Variants in SIPA1L1 observed in about 807,000 individuals in gnomAD.
The protein encoded by SIPA1L1 is signal induced proliferation associated 1 like 1, also known as signal-induced proliferation-associated 1-like protein 1.
SIPA1L1 carries 26 observed loss-of-function variants against 162.7 expected under a neutral mutation model. The ratio of observed to expected loss-of-function variants is 0.16; its 90% CI spans 0.12 to 0.22. SIPA1L1 has a LOEUF of 0.22. Among genes scored for constraint, SIPA1L1 ranks in the 10% least tolerant of loss-of-function variants. SIPA1L1 has a pLI of 1.00. For synonymous variants in SIPA1L1, 829 were observed against 837.4 expected (o/e 0.99, Z 0.17); for missense variants, 1,874 against 2,241.0 (o/e 0.84, Z 3.31).
chr14:71,503,255 A>G (rs1165929295), intron 2 of SIPA1L1, among the ~76,000 whole-genome samples: 1 of 152,204 alleles, frequency 6.6e-6, no homozygotes, highest in Non-Finnish European at 1.5e-5. Context: ...ATACAACTAG[A>G]AGGTCATGAT....
At chr14:71,610,004 C>T (rs1166329173) in intron 5 of SIPA1L1, among the ~76,000 whole-genome samples, 2 of 151,978 alleles carry the variant, frequency 1.3e-5, no homozygotes, top group Non-Finnish European at 2.9e-5. Flanking sequence ...AATGGACGTG[C>T]TTCTTTCTTA....
intron 2 of SIPA1L1, among the ~76,000 whole-genome samples, chr14:71,489,454 T>G (rs1175254237): frequency 1.3e-5 from 2 of 152,196 alleles, no homozygotes; most frequent in African/African-American, 4.8e-5. Flanking sequence ...TTATTGGATA[T>G]TTTCCAGTTT....
intron 4 of SIPA1L1, among the ~76,000 whole-genome samples, chr14:71,551,464 C>T (rs1488075207): frequency 1.3e-5 from 2 of 152,230 alleles, no homozygotes; most frequent in African/African-American, 2.4e-5. Flanking sequence ...ATCCCTGATT[C>T]ATCTCTTTCT....
At chr14:71,367,346 T>TC (rs1169095980) in intron 2 of SIPA1L1, among the ~76,000 whole-genome samples, 2 of 148,732 alleles carry the variant, frequency 1.3e-5, no homozygotes, top group Non-Finnish European at 3.0e-5. Flanking sequence ...TCGCTGTGTC[T>TC]CCCAGGCTGG....
At chr14:71,423,313 A>G (rs900388655) in intron 2 of SIPA1L1, among the ~76,000 whole-genome samples, 1 of 152,080 alleles carries the variant, frequency 6.6e-6, no homozygotes, top group African/African-American at 2.4e-5. Context: ...TGATGCACAA[A>G]ATTTTAAAAT....
At chr14:71,656,902 G>C (rs2043105092) in intron 8 of SIPA1L1, among the ~76,000 whole-genome samples, 1 of 152,178 alleles carries the variant, frequency 6.6e-6, no homozygotes, top group African/African-American at 2.4e-5. Context: ...GTATTTTGGG[G>C]GGTGGGCCCT....
At chr14:71,422,622 C>G (rs1262636202) in intron 2 of SIPA1L1, among the ~76,000 whole-genome samples, 1 of 152,214 alleles carries the variant, frequency 6.6e-6, no homozygotes, top group Non-Finnish European at 1.5e-5. Flanking sequence ...ACCATAATGT[C>G]TGAAGATTCA....
chr14:71,425,413 T>C (rs2043491342), intron 2 of SIPA1L1, among the ~76,000 whole-genome samples: 2 of 152,142 alleles, frequency 1.3e-5, no homozygotes, highest in South Asian at 4.1e-4. Context: ...ATTTGTGTTT[T>C]CATTTTTGTT....
intron 2 of SIPA1L1, among the ~76,000 whole-genome samples, chr14:71,341,066 C>A (rs142142340): frequency 6.6e-6 from 1 of 152,218 alleles, no homozygotes; most frequent in Non-Finnish European, 1.5e-5. Flanking sequence ...ATTGAATGTC[C>A]TTTCTGGCCA....
intron 8 of SIPA1L1, among the ~76,000 whole-genome samples, chr14:71,655,135 T>C (rs749136474): frequency 6.6e-6 from 1 of 152,142 alleles, no homozygotes; most frequent in Non-Finnish European, 1.5e-5. Flanking sequence ...CTCCCCACTT[T>C]TGGACTCGCC....
chr14:71,707,178 T>G (rs2149946168), intron 16 of SIPA1L1, among the ~76,000 whole-genome samples: 1 of 152,146 alleles, frequency 6.6e-6, no homozygotes, highest in East Asian at 1.9e-4. Flanking sequence ...TCTTCTCTTT[T>G]AATCTCCAGC....
chr14:71,462,153 G>A (rs2046650267), intron 2 of SIPA1L1, among the ~76,000 whole-genome samples: 1 of 152,232 alleles, frequency 6.6e-6, no homozygotes, highest in Non-Finnish European at 1.5e-5. Flanking sequence ...ATGACCCATA[G>A]TCAAATGTTC....
intron 2 of SIPA1L1, among the ~76,000 whole-genome samples, chr14:71,334,031 G>A (rs2034834629): frequency 6.6e-6 from 1 of 152,166 alleles, no homozygotes; most frequent in East Asian, 1.9e-4. Context: ...GGAATAATGG[G>A]GATGCCATTT....
chr14:71,448,863 C>T (rs2045608017), intron 2 of SIPA1L1: 1 of 152,258 alleles, frequency 6.6e-6, no homozygotes, highest in Admixed American at 6.5e-5. Context: ...GGTCAACTGG[C>T]CCAGGTTGGA....
intron 8 of SIPA1L1, among the ~76,000 whole-genome samples, chr14:71,652,725 C>G (rs2042732320): frequency 6.6e-6 from 1 of 151,298 alleles, no homozygotes; most frequent in Non-Finnish European, 1.5e-5. Context: ...TTCTTTTCTT[C>G]CATGGTATCT....
chr14:71,732,451 G>A (rs1348217935), intron 20 of SIPA1L1, among the ~76,000 whole-genome samples: 6 of 152,090 alleles, frequency 3.9e-5, no homozygotes, highest in Non-Finnish European at 7.4e-5. Context: ...CATGAGCGTC[G>A]TTTCCCCTGG....
At chr14:71,431,910 A>G (rs1168955919) in intron 2 of SIPA1L1, among the ~76,000 whole-genome samples, 4 of 152,138 alleles carry the variant, frequency 2.6e-5, no homozygotes, top group Non-Finnish European at 4.4e-5. Flanking sequence ...GAAAACCCAA[A>G]GATACAGGGA....
At chr14:71,584,753 T>C (rs1019292782) in intron 4 of SIPA1L1, among the ~76,000 whole-genome samples, 1 of 152,238 alleles carries the variant, frequency 6.6e-6, no homozygotes, top group Non-Finnish European at 1.5e-5. Flanking sequence ...TAGACTTAGA[T>C]AGTATCTAGA....
rs370404190 is a variant in SIPA1L1 at position 71,704,738 on chromosome 14, C to T, written c.3647-484C>T. On this transcript the variant is annotated intron_variant, in intron 15 of 23. Transcript: ENST00000381232. ...GTGCTCAGCTTACAGTTATAGAGGA[C>T]CTCAGGATTTCAATTCTTTTGTCCT... 18 of 1,612,682 alleles carry T rather than the reference C, an allele frequency of 1.1e-5. No individual in the cohort carries two copies. The African/African-American group carries it at 1.7e-4, about 16-fold the overall frequency.
Sources: gnomAD v4.1 joint callset for allele counts (sites outside exome capture counted in the v4.1 genomes callset) on GRCh38, gnomAD v4.1.1 for gene constraint, MANE v1.5 for transcripts, NCBI Gene and HGNC (gene_info 2026-07-23, HGNC 2026-07-21) for gene names.